Variants in GRIK2 observed in about 807,000 individuals in gnomAD.
GRIK2 encodes the protein glutamate receptor ionotropic, kainate 2.
Under a neutral mutation model 100.3 loss-of-function variants are expected in GRIK2, and 32 were observed. That is an observed-to-expected ratio of 0.32 (90% CI 0.24 to 0.43). The LOEUF (loss-of-function observed/expected upper bound fraction) is 0.43, where lower values mean the gene tolerates loss of function less well. Among genes scored for constraint, GRIK2 ranks in the 20% least tolerant of loss-of-function variants. The probability of loss-of-function intolerance (pLI) is 1.00; values close to 1 mark genes in which losing one functional copy is unlikely to be tolerated. For synonymous variants in GRIK2, 417 were observed against 389.4 expected (o/e 1.07, Z -0.83); for missense variants, 843 against 1,114.9 (o/e 0.76, Z 3.47).
intron 12 of GRIK2, among the ~76,000 whole-genome samples, chr6:101,920,079 G>A (rs1789389355): frequency 6.6e-6 from 1 of 151,832 alleles, no homozygotes; most frequent in African/African-American, 2.4e-5. Context: ...ACAATATAAT[G>A]GAAAAGGGAA....
Position 101,802,397 on chromosome 6 carries a change from G to A in GRIK2, c.1162G>A (p.Asp388Asn). 6.3e-7 allele frequency: 1 copy of A among 1,588,606 alleles called. No individual in the cohort carries two copies. The highest frequency in any genetic ancestry group is 8.6e-7 in the Non-Finnish European group (1 of 1,165,316). ...NKTNGLRTDF[D>N]LDVISLKEEG... Reference sequence around the variant, plus strand: ...AACCAATGGCTTGAGAACAGATTTTGATTTGGATGTGATCAGTCTGAAGGA... The same window carrying A: ...AACCAATGGCTTGAGAACAGATTTTAATTTGGATGTGATCAGTCTGAAGGA... Residue 388 changes from aspartate to asparagine, a missense_variant, in exon 9 of 17, where the codon GAT (aspartate) becomes AAT (asparagine). Transcript: ENST00000369134.
At chr6:101,643,854 T>C (rs1781398053) in intron 4 of GRIK2, among the ~76,000 whole-genome samples, 1 of 151,766 alleles carries the variant, frequency 6.6e-6, no homozygotes, top group Admixed American at 6.6e-5. Context: ...ATTTGAGTTA[T>C]ACTAAAATAT....
intron 7 of GRIK2, among the ~76,000 whole-genome samples, chr6:101,768,104 C>T (rs981548171): frequency 6.6e-6 from 1 of 152,120 alleles, no homozygotes; most frequent in East Asian, 1.9e-4. Flanking sequence ...AGTGATCTAC[C>T]CATCTTGGCC....
At chr6:101,442,536 C>T (rs545957580) in intron 2 of GRIK2, among the ~76,000 whole-genome samples, 3 of 152,124 alleles carry the variant, frequency 2.0e-5, no homozygotes, top group Non-Finnish European at 2.9e-5. Flanking sequence ...TTGAAAGACA[C>T]GCTGCAAACT....
intron 2 of GRIK2, among the ~76,000 whole-genome samples, chr6:101,463,238 A>G (rs372084857): frequency 6.6e-6 from 1 of 152,214 alleles, no homozygotes; most frequent in Non-Finnish European, 1.5e-5. Flanking sequence ...AGACACACAA[A>G]AAGTATGAGT....
chr6:101,427,385 G>T (rs949538629), intron 2 of GRIK2, among the ~76,000 whole-genome samples: 1 of 152,138 alleles, frequency 6.6e-6, no homozygotes, highest in Non-Finnish European at 1.5e-5. Context: ...TTACATATTT[G>T]TCTTCCCTTT....
chr6:101,727,767 G>A (rs1186006125), intron 7 of GRIK2, among the ~76,000 whole-genome samples: 1 of 151,936 alleles, frequency 6.6e-6, no homozygotes, highest in African/African-American at 2.4e-5. Context: ...GAGAAGTTAA[G>A]GGGAAAATGG....
chr6:101,717,147 G>T (rs928254843), intron 7 of GRIK2, among the ~76,000 whole-genome samples: 1 of 151,734 alleles, frequency 6.6e-6, no homozygotes, highest in African/African-American at 2.4e-5. Context: ...TGTTCTGGGG[G>T]TGTTTCTGGT....
At chr6:101,957,313 A>C (rs898737169) in intron 14 of GRIK2, among the ~76,000 whole-genome samples, 1 of 151,642 alleles carries the variant, frequency 6.6e-6, no homozygotes, top group Non-Finnish European at 1.5e-5. Context: ...AATCTCTTCA[A>C]ATCTTTCACC....
chr6:101,585,511 G>T (rs1582771074), intron 2 of GRIK2, among the ~76,000 whole-genome samples: 1 of 151,946 alleles, frequency 6.6e-6, no homozygotes, highest in South Asian at 2.1e-4. Flanking sequence ...ATCCTCAAGA[G>T]GATACAATAC....
chr6:102,020,170 C>A (rs995920905), intron 14 of GRIK2, among the ~76,000 whole-genome samples: 6 of 151,630 alleles, frequency 4.0e-5, no homozygotes, highest in African/African-American at 1.5e-4. Context: ...ACTCTTAGAC[C>A]TTTCATTCTG....
intron 2 of GRIK2, among the ~76,000 whole-genome samples, chr6:101,557,383 G>T (rs1271943451): frequency 6.6e-6 from 1 of 151,962 alleles, no homozygotes; most frequent in Non-Finnish European, 1.5e-5. Context: ...AATATCTCTG[G>T]GTTATTAAAC....
At chr6:101,785,018 T>C (rs754015246) in intron 7 of GRIK2, among the ~76,000 whole-genome samples, 1 of 152,204 alleles carries the variant, frequency 6.6e-6, no homozygotes, top group African/African-American at 2.4e-5. Flanking sequence ...TGATATTTCA[T>C]TGTGGTTTTG....
At chr6:101,404,404 A>G (rs1775493039) in intron 2 of GRIK2, among the ~76,000 whole-genome samples, 1 of 152,242 alleles carries the variant, frequency 6.6e-6, no homozygotes, top group Non-Finnish European at 1.5e-5. Context: ...TAGTTATCAT[A>G]ATTTCTGATA....
intron 7 of GRIK2, among the ~76,000 whole-genome samples, chr6:101,695,140 T>C (rs1772389048): frequency 6.6e-6 from 1 of 152,056 alleles, no homozygotes; most frequent in South Asian, 2.1e-4. Flanking sequence ...TATCTCACAA[T>C]TCTGGTGGCC....
At chr6:101,892,561 T>C (rs962381102) in intron 12 of GRIK2, among the ~76,000 whole-genome samples, 4 of 152,056 alleles carry the variant, frequency 2.6e-5, no homozygotes, top group African/African-American at 9.7e-5. Flanking sequence ...TTTGAAATGT[T>C]ACTGTTATAT....
intron 14 of GRIK2, among the ~76,000 whole-genome samples, chr6:101,929,480 T>A (rs1319034015): frequency 6.6e-6 from 1 of 151,316 alleles, no homozygotes; most frequent in East Asian, 1.9e-4. Context: ...AGTATTTTTT[T>A]TTAAAAAAAT....
intron 11 of GRIK2, among the ~76,000 whole-genome samples, chr6:101,867,695 A>T (rs894778768): frequency 6.6e-6 from 1 of 151,616 alleles, no homozygotes; most frequent in African/African-American, 2.4e-5. Context: ...TTCTTTCAGT[A>T]CTAATATAAT....
intron 4 of GRIK2, among the ~76,000 whole-genome samples, chr6:101,630,078 G>C (rs2128319928): frequency 1.3e-5 from 2 of 152,168 alleles, no homozygotes; most frequent in East Asian, 3.9e-4. Flanking sequence ...GTATTCCATG[G>C]TGTATATGTA....
Sources: gnomAD v4.1 joint callset for allele counts (sites outside exome capture counted in the v4.1 genomes callset) on GRCh38, gnomAD v4.1.1 for gene constraint, MANE v1.5 for transcripts, NCBI Gene and HGNC (gene_info 2026-07-23, HGNC 2026-07-21) for gene names.